The following SDK1 variants were observed in gnomAD, a reference collection of about 807,000 sequenced individuals.
SDK1 encodes the protein protein sidekick-1.
Under a neutral mutation model 245.5 loss-of-function variants are expected in SDK1, and 157 were observed. That is an observed-to-expected ratio of 0.64 (90% confidence interval 0.56 to 0.73). SDK1 has a LOEUF of 0.73. SDK1 is among the 30% of genes least tolerant of loss of function. The probability of loss-of-function intolerance (pLI) is 0.00; values close to 1 mark genes in which losing one functional copy is unlikely to be tolerated. For synonymous variants in SDK1, 1,647 were observed against 1,278.5 expected, an observed-to-expected ratio of 1.29 and a Z score of -6.15; for missense variants, 3,583 against 3,002.3, an observed-to-expected ratio of 1.19 and a Z score of -4.52.
At chr7:3,579,506 C>T (rs1011218673) in intron 1 of SDK1, among the ~76,000 whole-genome samples, 5 of 152,152 alleles carry the variant, frequency 3.3e-5, no homozygotes, top group African/African-American at 4.8e-5. Context: ...CAATAAACTA[C>T]GTGTTGAAGG....
chr7:4,226,016 G>A (rs1785424652), intron 40 of SDK1, among the ~76,000 whole-genome samples: 1 of 152,160 alleles, frequency 6.6e-6, no homozygotes, highest in Non-Finnish European at 1.5e-5. Flanking sequence ...CAGCAGCTCA[G>A]GCAAATGAAA....
At position 3,967,342 on chromosome 7, in the gene SDK1, G is replaced by T; in HGVS notation, c.1454G>T (p.Arg485Leu). 3 of 1,614,038 alleles carry T rather than the reference G, an allele frequency of 1.9e-6. No homozygotes were observed. Among genetic ancestry groups the T allele is most frequent in the Non-Finnish European group, 2.5e-6 (3 of 1,179,952 alleles). The change falls in exon 10 of 45, where the codon CGG becomes CTG. Residue 485 changes from arginine (R) to leucine (L), a missense_variant. Transcript: ENST00000404826. The part of the protein sequence containing the change: ...VTNIAPVFTQ[R>L]PVDTTVTDGM... ...GATATCGCTCCAGTGTTCACCCAGC[G>T]GCCAGTGGACACCACAGTTACTGAC...
chr7:3,506,885 A>T (rs1330660526), intron 1 of SDK1, among the ~76,000 whole-genome samples: 1 of 150,610 alleles, frequency 6.6e-6, no homozygotes, highest in Non-Finnish European at 1.5e-5. Flanking sequence ...TTCCTTCCTT[A>T]TTAATTCCAT....
rs988916463 is a variant in SDK1 at position 3,701,568 on chromosome 7, T to C, written c.713+59463T>C. On this transcript the variant is annotated intron_variant, in intron 4 of 44. Transcript: ENST00000404826. ...GAGCTATGATCGTGCTACAGTGCCC[T>C]AGCTTGGGTGATAGAGCGAGACCCT... Among the ~76,000 whole-genome samples the C allele has an allele frequency of 4.1e-4, 63 of 152,108 alleles. 1 individual carries two copies. Among genetic ancestry groups the C allele is most frequent in the Non-Finnish European group, 1.9e-4 (13 of 68,028 alleles).
chr7:4,112,985 C>G (rs1054632045), intron 23 of SDK1, among the ~76,000 whole-genome samples: 4 of 152,108 alleles, frequency 2.6e-5, no homozygotes, highest in Non-Finnish European at 5.9e-5. Flanking sequence ...AACTCTTCAC[C>G]TCAGGTGATC....
chr7:3,573,339 G>A (rs893217989), intron 1 of SDK1, among the ~76,000 whole-genome samples: 10 of 152,074 alleles, frequency 6.6e-5, no homozygotes, highest in South Asian at 6.2e-4. Flanking sequence ...AGGCGGGGCC[G>A]GTGGGGCCAG....
chr7:3,501,397 G>A (rs934974775), intron 1 of SDK1, among the ~76,000 whole-genome samples: 5 of 151,554 alleles, frequency 3.3e-5, no homozygotes, highest in African/African-American at 4.9e-5. Flanking sequence ...AAACTGATCA[G>A]GACAGTTTCA....
intron 4 of SDK1, among the ~76,000 whole-genome samples, chr7:3,747,254 T>C (rs1779651987): frequency 6.6e-6 from 1 of 152,222 alleles, no homozygotes; most frequent in Non-Finnish European, 1.5e-5. Flanking sequence ...GAAATGTATT[T>C]TATACCATAA....
At chr7:3,338,791 A>G (rs1236165171) in intron 1 of SDK1, among the ~76,000 whole-genome samples, 3 of 152,182 alleles carry the variant, frequency 2.0e-5, no homozygotes, top group Non-Finnish European at 4.4e-5. Context: ...GATAAGTTAC[A>G]TATGCTTACT....
chr7:4,250,488 C>A (rs757840304), intron 44 of SDK1, among the ~76,000 whole-genome samples: 6 of 152,130 alleles, frequency 3.9e-5, no homozygotes, highest in Non-Finnish European at 8.8e-5. Flanking sequence ...GGATTACAGG[C>A]ACCTGACACT....
intron 4 of SDK1, among the ~76,000 whole-genome samples, chr7:3,646,563 G>C (rs1240282116): frequency 6.6e-6 from 1 of 152,154 alleles, no homozygotes; most frequent in Non-Finnish European, 1.5e-5. Flanking sequence ...AATACACACA[G>C]AGCCAGGGTT....
rs371801677 is a variant in SDK1 at position 3,974,568 on chromosome 7, T to G, written c.1994+23T>G. ...GATGTGAGTACTGAGACGTTTGGTG[T>G]TAGCCAGTCCGCGGTTTTCTCCGTT... is the stretch of plus-strand genomic sequence containing the variant. On this transcript the variant is annotated intron_variant, in intron 13 of 44. Transcript: ENST00000404826. 85 of 1,606,590 alleles carry G rather than the reference T, an allele frequency of 5.3e-5. No homozygotes were observed. In the South Asian group the frequency reaches 6.0e-4, roughly 11 times the overall value.
intron 22 of SDK1, among the ~76,000 whole-genome samples, chr7:4,082,704 T>G (rs141214312): frequency 8.5e-5 from 13 of 152,074 alleles, no homozygotes; most frequent in African/African-American, 2.7e-4. Flanking sequence ...CACTACAACC[T>G]CTGCCTCCTG....
At chr7:4,082,725 A>G (rs1384048577) in intron 22 of SDK1, among the ~76,000 whole-genome samples, 2 of 151,936 alleles carry the variant, frequency 1.3e-5, no homozygotes, top group African/African-American at 2.4e-5. Context: ...GGCTCAAGCA[A>G]TCCTCTCATC....
chr7:3,398,851 A>G (rs1041408287), intron 1 of SDK1, among the ~76,000 whole-genome samples: 3 of 146,276 alleles, frequency 2.1e-5, no homozygotes, highest in African/African-American at 7.6e-5. Context: ...TCCTACAGTT[A>G]TTTCCTCTAG....
chr7:3,514,172 A>C (rs921372585), intron 1 of SDK1, among the ~76,000 whole-genome samples: 1 of 152,126 alleles, frequency 6.6e-6, no homozygotes, highest in Non-Finnish European at 1.5e-5. Flanking sequence ...TGCCTGTCTC[A>C]TGGAGTTTGT....
chr7:4,238,241 G>A lies in SDK1; in HGVS notation c.6130+457G>A, dbSNP rs146483868. 3.1e-3 allele frequency among the ~76,000 whole-genome samples: 469 copies of A among 152,050 alleles called. 3 individuals carry two copies. Among genetic ancestry groups the A allele is most frequent in the African/African-American group, 0.01 (415 of 41,478 alleles). ...ATTACAGGCGCCTGCCACTACGCCCGGCTAATTTTTGTATTTTTAGTAGAG... is the reference window on the plus strand; with the variant it reads ...ATTACAGGCGCCTGCCACTACGCCCAGCTAATTTTTGTATTTTTAGTAGAG... On this transcript the variant is annotated intron_variant, in intron 42 of 44. Transcript: ENST00000404826.
At chr7:3,731,132 C>T (rs1049220414) in intron 4 of SDK1, among the ~76,000 whole-genome samples, 2 of 152,194 alleles carry the variant, frequency 1.3e-5, no homozygotes, top group African/African-American at 4.8e-5. Context: ...TCTGCACTCA[C>T]TCATGCATCC....
intron 4 of SDK1, among the ~76,000 whole-genome samples, chr7:3,681,702 A>G (rs1038055978): frequency 5.3e-5 from 8 of 152,222 alleles, no homozygotes; most frequent in African/African-American, 1.9e-4. Flanking sequence ...AGAACAGAAC[A>G]TGGGACATAG....
Sources: allele counts gnomAD v4.1 joint callset (sites outside exome capture counted in the v4.1 genomes callset), GRCh38; gene constraint gnomAD v4.1.1; transcripts MANE v1.5; gene names NCBI Gene and HGNC (gene_info 2026-07-23, HGNC 2026-07-21).